Variants in SCARA5 observed in about 807,000 individuals in gnomAD.
The protein encoded by SCARA5 is scavenger receptor class A, member 5 (putative).
SCARA5 carries 45 observed loss-of-function variants against 46.3 expected under a neutral mutation model. The observed-to-expected ratio is 0.97, with a 90% CI of 0.76 to 1.24. SCARA5 has a LOEUF of 1.24. Ranked by LOEUF, SCARA5 falls within the 50% of genes most tolerant of loss-of-function variation. The pLI, the probability that SCARA5 is intolerant of heterozygous loss-of-function variation, is 0.00. For missense variants in SCARA5, 680 were observed against 689.0 expected (o/e 0.99, Z 0.15); for synonymous variants, 333 against 306.5 (o/e 1.09, Z -0.90).
intron 3 of SCARA5, among the ~76,000 whole-genome samples, chr8:27,946,250 G>A (rs1362692908): frequency 6.6e-6 from 1 of 152,216 alleles, no homozygotes. Flanking sequence ...TGTGGGACAT[G>A]CATACGCTAT....
chr8:27,893,946 T>A (rs929670415), intron 7 of SCARA5, among the ~76,000 whole-genome samples: 3 of 152,122 alleles, frequency 2.0e-5, no homozygotes, highest in Non-Finnish European at 4.4e-5. Flanking sequence ...AAGGCTGGGG[T>A]AACCTCAGAG....
chr8:27,909,258 A>G (rs1807325840), intron 5 of SCARA5, among the ~76,000 whole-genome samples: 1 of 152,154 alleles, frequency 6.6e-6, no homozygotes, highest in South Asian at 2.1e-4. Flanking sequence ...GGGCAGGGTC[A>G]GCAGGAGTCA....
rs1807598367 is a variant in SCARA5, at chr8:27,921,922, G to T, written c.565C>A (p.Gln189Lys). 1 of 1,532,148 alleles carries T rather than the reference G, an allele frequency of 6.5e-7. No homozygotes were observed. The highest frequency in any genetic ancestry group is 1.2e-5 in the South Asian group (1 of 80,150). The allele number at this position is 1,532,148 out of a possible 1,614,324, so 94.9% of individuals were successfully genotyped here. The change falls in exon 4 of 9, where the codon CAG becomes AAG. Residue 189 changes from glutamine (Q) to lysine (K), a missense_variant. Gln to Lys is a moderately conservative substitution (Grantham distance 53). Transcript: ENST00000354914. ...DTAQLELYQLQVESNSSQLLL... is the reference protein window; with the variant it reads ...DTAQLELYQLKVESNSSQLLL... ...AGCTGGCTACTGTTGCTCTCCACCT[G>T]CAGCTGGTAGAGCTCCAGCTGCGCC...
At chr8:27,884,412 G>A (rs1258400257) in intron 7 of SCARA5, among the ~76,000 whole-genome samples, 1 of 152,248 alleles carries the variant, frequency 6.6e-6, no homozygotes, top group African/African-American at 2.4e-5. Context: ...CCCGGCCGCT[G>A]CGCGGGGCCT....
chr8:27,896,294 T>C (rs2129720820), intron 7 of SCARA5, among the ~76,000 whole-genome samples: 1 of 152,290 alleles, frequency 6.6e-6, no homozygotes, highest in South Asian at 2.1e-4. Flanking sequence ...CCAGGGCTAG[T>C]GGACCTTCCT....
At chr8:27,906,028 C>G (rs1807256641) in intron 6 of SCARA5, among the ~76,000 whole-genome samples, 1 of 152,140 alleles carries the variant, frequency 6.6e-6, no homozygotes, top group African/African-American at 2.4e-5. Flanking sequence ...TTATTTTCAA[C>G]AAGCATGTGC....
chr8:27,905,002 A>G (rs1807228406), intron 6 of SCARA5, among the ~76,000 whole-genome samples, 168 bp from the exon 7 acceptor site: 2 of 152,222 alleles, frequency 1.3e-5, no homozygotes, highest in Non-Finnish European at 2.9e-5. Context: ...CAATTCTGCC[A>G]TCTGCCCTGG....
chr8:27,880,851 T>A (rs1187462465), intron 7 of SCARA5, among the ~76,000 whole-genome samples: 1 of 37,436 alleles, frequency 2.7e-5, no homozygotes, highest in Admixed American at 4.7e-4. Flanking sequence ...CAAGACCCTG[T>A]CTAAGGAAAA....
intron 6 of SCARA5, among the ~76,000 whole-genome samples, chr8:27,905,861 C>A (rs1807253981): frequency 6.6e-6 from 1 of 151,958 alleles, no homozygotes; most frequent in Non-Finnish European, 1.5e-5. Flanking sequence ...CAGGTGTGCC[C>A]CAACATGCCT....
At chr8:27,970,101 T>C (rs530520483) in intron 2 of SCARA5, among the ~76,000 whole-genome samples, 29 of 152,112 alleles carry the variant, frequency 1.9e-4, no homozygotes, top group African/African-American at 7.0e-4. Context: ...GGCTCACCCT[T>C]TCTCTCTTGG....
At position 27,954,261 on chromosome 8, in the gene SCARA5, G is replaced by A. The variant is rs187062175; in HGVS notation, c.241+12153C>T. On this transcript the variant is annotated intron_variant, in intron 3 of 8. Transcript: ENST00000354914. Reference sequence around the variant, plus strand: ...CCAGGGCAGTCAACACCATGCTGGGGGCTGTGTTCTCGGGGCGACAGAAGA... The same window carrying A: ...CCAGGGCAGTCAACACCATGCTGGGAGCTGTGTTCTCGGGGCGACAGAAGA... Among the ~76,000 whole-genome samples, 873 of 152,164 alleles carry A rather than the reference G, an allele frequency of 5.7e-3. 2 individuals are homozygous for A. Among genetic ancestry groups the A allele is most frequent in the Non-Finnish European group, 9.0e-3 (615 of 68,012 alleles).
At chr8:27,905,538 A>AGGTGGGG (rs1563519490) in intron 6 of SCARA5, among the ~76,000 whole-genome samples, 1 of 36,564 alleles carries the variant, frequency 2.7e-5, no homozygotes, top group African/African-American at 6.0e-5. Flanking sequence ...GGGGGAAAAA[A>AGGTGGGG]AAAAGGCAGC....
chr8:27,981,347 G>A (rs1042202059), intron 2 of SCARA5, among the ~76,000 whole-genome samples: 2 of 152,220 alleles, frequency 1.3e-5, no homozygotes, highest in African/African-American at 4.8e-5. Flanking sequence ...GGCCCAAAGG[G>A]TCAGGGATGG....
chr8:27,897,671 A>C (rs1434703968), intron 7 of SCARA5, among the ~76,000 whole-genome samples: 1 of 116,394 alleles, frequency 8.6e-6, no homozygotes, highest in Admixed American at 9.0e-5. Flanking sequence ...AAGTGGAGAC[A>C]CAGCAGGCAA....
intron 5 of SCARA5, among the ~76,000 whole-genome samples, chr8:27,909,271 G>A (rs552115424): frequency 6.6e-6 from 1 of 152,280 alleles, no homozygotes; most frequent in African/African-American, 2.4e-5. Flanking sequence ...AGGAGTCATG[G>A]TGGGGCGGGA....
rs545727906 is a variant in SCARA5, at chr8:27,914,681, C to T, written c.917-4938G>A. Among the ~76,000 whole-genome samples the T allele has an allele frequency of 7.4e-4, 112 of 152,346 alleles. 2 individuals are homozygous for T. The highest frequency in any genetic ancestry group is 2.5e-3 in the African/African-American group (103 of 41,584). ...CTTTCTACACCATCTCATTTCTCAT[C>T]TTTTCTGTCACCAAGGCAGGCCAGG... On this transcript the variant is annotated intron_variant, in intron 4 of 8. Coordinates refer to ENST00000354914, the MANE Select transcript of SCARA5 (RefSeq NM_173833.6).
rs770635845 is a variant in SCARA5 at position 27,883,895 on chromosome 8, T to A, written c.1154-4129A>T. ...CTCCTGGACTTTTGTTTTTCCTTTA[T>A]CTTGTATTTGGCCAAGTGGGCTGGA... On this transcript the variant is annotated intron_variant, in intron 7 of 8. Coordinates refer to ENST00000354914, the MANE Select transcript of SCARA5 (RefSeq NM_173833.6). Among the ~76,000 whole-genome samples, 42 of 152,180 alleles carry A rather than the reference T, an allele frequency of 2.8e-4. 1 individual carries two copies. Among genetic ancestry groups the A allele is most frequent in the Non-Finnish European group, 2.9e-5 (2 of 68,022 alleles).
At chr8:27,959,275 C>T (rs1331039238) in intron 3 of SCARA5, among the ~76,000 whole-genome samples, 7 of 152,158 alleles carry the variant, frequency 4.6e-5, no homozygotes, top group Non-Finnish European at 7.4e-5. Context: ...AGAATTTAAA[C>T]TAATATCAAC....
At chr8:27,958,311 G>A (rs751043481) in intron 3 of SCARA5, among the ~76,000 whole-genome samples, 9 of 152,194 alleles carry the variant, frequency 5.9e-5, no homozygotes, top group Non-Finnish European at 1.0e-4. Context: ...CCCCTCTTCC[G>A]GGGTCTGAGG....
Sources: allele counts gnomAD v4.1 joint callset (sites outside exome capture counted in the v4.1 genomes callset), GRCh38; gene constraint gnomAD v4.1.1; transcripts MANE v1.5; gene names NCBI Gene and HGNC (gene_info 2026-07-23, HGNC 2026-07-21).